The following COP1 variants were observed in gnomAD, a reference collection of about 807,000 sequenced individuals.
The protein encoded by COP1 is E3 ubiquitin-protein ligase COP1.
Under a neutral mutation model 101.3 loss-of-function variants are expected in COP1, and 24 were observed. The ratio of observed to expected loss-of-function variants is 0.24; its 90% CI spans 0.17 to 0.33. COP1 has a LOEUF of 0.33. Among genes scored for constraint, COP1 ranks in the 10% least tolerant of loss-of-function variants. The pLI, the probability that COP1 is intolerant of heterozygous loss-of-function variation, is 1.00. For missense variants in COP1, 663 were observed against 906.2 expected (o/e 0.73, Z 3.45); for synonymous variants, 347 against 341.9 (o/e 1.01, Z -0.17).
At chr1:176,012,759 G>A (rs911446146) in intron 15 of COP1, among the ~76,000 whole-genome samples, 2 of 151,962 alleles carry the variant, frequency 1.3e-5, no homozygotes, top group Admixed American at 6.6e-5. Flanking sequence ...AATTGGCTAC[G>A]GCTTTCAGTA....
chr1:176,113,913 A>C (rs1013771466), intron 9 of COP1, among the ~76,000 whole-genome samples: 3 of 151,354 alleles, frequency 2.0e-5, no homozygotes, highest in South Asian at 2.1e-4. Context: ...ACCAGTAAAG[A>C]AGCAGCAACC....
chr1:176,069,958 G>A (rs1676672086), intron 11 of COP1, among the ~76,000 whole-genome samples: 1 of 152,132 alleles, frequency 6.6e-6, no homozygotes, highest in African/African-American at 2.4e-5. Flanking sequence ...TCAAATGTTA[G>A]TCAGTGTTCT....
At chr1:176,056,686 G>C (rs1316674463) in intron 11 of COP1, among the ~76,000 whole-genome samples, 1 of 152,046 alleles carries the variant, frequency 6.6e-6, no homozygotes, top group Admixed American at 6.5e-5. Flanking sequence ...AGGAAGTTTA[G>C]CCTATTTAAA....
At chr1:176,056,117 T>C (rs568670908) in intron 11 of COP1, among the ~76,000 whole-genome samples, 28 of 152,186 alleles carry the variant, frequency 1.8e-4, no homozygotes, top group Non-Finnish European at 3.7e-4. Flanking sequence ...TTTTCCTGTT[T>C]TCTAAGTTTG....
At chr1:176,093,310 A>T (rs1373116606) in intron 9 of COP1, among the ~76,000 whole-genome samples, 1 of 152,180 alleles carries the variant, frequency 6.6e-6, no homozygotes, top group African/African-American at 2.4e-5. Flanking sequence ...AAGTTTTGCT[A>T]TATTTCTAAT....
At chr1:176,181,912 G>A (rs1160389966) in intron 2 of COP1, among the ~76,000 whole-genome samples, 1 of 151,860 alleles carries the variant, frequency 6.6e-6, no homozygotes, top group Non-Finnish European at 1.5e-5. Context: ...AAATGAAATT[G>A]TATTATAATA....
intron 15 of COP1, among the ~76,000 whole-genome samples, chr1:175,999,766 G>A (rs909925897): frequency 1.5e-4 from 23 of 151,948 alleles, no homozygotes; most frequent in Non-Finnish European, 3.4e-4. Context: ...ATCCTCACCA[G>A]CATTTGTTTA....
chr1:176,101,346 G>A (rs1683374926), intron 9 of COP1, among the ~76,000 whole-genome samples: 2 of 152,046 alleles, frequency 1.3e-5, no homozygotes. Context: ...TAGATAAGCA[G>A]CCATTCATCT....
chr1:175,974,715 T>G (rs1347045060), intron 18 of COP1, among the ~76,000 whole-genome samples: 1 of 151,970 alleles, frequency 6.6e-6, no homozygotes, highest in Non-Finnish European at 1.5e-5. Flanking sequence ...GATGCTATGA[T>G]CAGCAGTCTT....
chr1:176,123,466 A>T (rs115315579), intron 8 of COP1, among the ~76,000 whole-genome samples: 545 of 152,266 alleles, frequency 3.6e-3, no homozygotes, highest in African/African-American at 0.012. Context: ...ATTAAAGGGG[A>T]AAAGAGTTTC....
At position 176,006,698 on chromosome 1, in the gene COP1, G is replaced by A. The variant is rs1206430979; in HGVS notation, c.1730-17219C>T. ...GGCACCCACTCTCTTCTGGCTTGTA[G>A]GGTTTCTGCCGAGAGATCCGCTGTT... On this transcript the variant is annotated intron_variant, in intron 15 of 19. Coordinates refer to ENST00000367669, the MANE Select transcript of COP1 (RefSeq NM_022457.7). Among the ~76,000 whole-genome samples the A allele has an allele frequency of 2.6e-5, 4 of 152,172 alleles. 1 individual carries two copies. The highest frequency in any genetic ancestry group is 2.6e-4 in the Admixed American group (4 of 15,278).
At chr1:176,100,311 C>T in intron 9 of COP1, 1 of 183,866 alleles carries the variant, frequency 5.4e-6, no homozygotes, top group Non-Finnish European at 1.2e-5. Flanking sequence ...ATCGCTTGTA[C>T]CTGGGAGGTG....
At chr1:176,116,058 C>A (rs1415036792) in intron 9 of COP1, among the ~76,000 whole-genome samples, 1 of 152,090 alleles carries the variant, frequency 6.6e-6, no homozygotes, top group African/African-American at 2.4e-5. Context: ...TATTTCCTTC[C>A]TCTCAGGTTC....
intron 15 of COP1, among the ~76,000 whole-genome samples, chr1:175,992,076 A>C (rs190408817): frequency 6.6e-6 from 1 of 152,298 alleles, no homozygotes; most frequent in Non-Finnish European, 1.5e-5. Flanking sequence ...CTTTTTGAAC[A>C]TTTTTAATTT....
At chr1:176,087,488 A>T (rs1388871718) in intron 9 of COP1, among the ~76,000 whole-genome samples, 1 of 152,248 alleles carries the variant, frequency 6.6e-6, no homozygotes. Flanking sequence ...TATGCAGCCA[A>T]CAGACACATG....
chr1:176,101,750 T>G (rs1683432659), intron 9 of COP1, among the ~76,000 whole-genome samples: 1 of 152,188 alleles, frequency 6.6e-6, no homozygotes, highest in South Asian at 2.1e-4. Flanking sequence ...TGTCTCTTCT[T>G]GCCTTCAGGC....
chr1:176,043,604 C>T (rs1229047519), intron 13 of COP1, 106 bp downstream of exon 13: 2 of 735,728 alleles, frequency 2.7e-6, no homozygotes, highest in Non-Finnish European at 4.7e-6. Flanking sequence ...ATAAAAAATA[C>T]TAAATAGTGA....
At chr1:176,202,299 C>G (rs1700345511) in intron 1 of COP1, among the ~76,000 whole-genome samples, 1 of 151,508 alleles carries the variant, frequency 6.6e-6, no homozygotes, top group South Asian at 2.1e-4. Context: ...AAGTGATCCT[C>G]CCATCTCAGC....
intron 8 of COP1, among the ~76,000 whole-genome samples, chr1:176,125,072 T>G (rs1169296128): frequency 6.7e-6 from 1 of 150,364 alleles, no homozygotes; most frequent in Non-Finnish European, 1.5e-5. Flanking sequence ...GAGAAATGTC[T>G]AATCTTTTAC....
Sources: allele counts gnomAD v4.1 joint callset (sites outside exome capture counted in the v4.1 genomes callset), GRCh38; gene constraint gnomAD v4.1.1; transcripts MANE v1.5; gene names NCBI Gene and HGNC (gene_info 2026-07-23, HGNC 2026-07-21).